Variants in COBL observed in about 807,000 individuals in gnomAD.
COBL encodes the protein cordon-bleu WH2 repeat protein.
In COBL, 51 loss-of-function variants were observed where a neutral mutation model predicts 98.8. That is an observed-to-expected ratio of 0.52 (90% CI 0.41 to 0.65). The LOEUF is 0.65. COBL is among the 30% of genes least tolerant of loss of function. The pLI is 0.00. For synonymous variants in COBL, 634 were observed against 651.7 expected, an observed-to-expected ratio of 0.97 and a Z score of 0.41; for missense variants, 1,617 against 1,617.5, an observed-to-expected ratio of 1.00 and a Z score of 0.01.
At chr7:51,288,988 A>T (rs970684684) in intron 1 of COBL, among the ~76,000 whole-genome samples, 1 of 152,164 alleles carries the variant, frequency 6.6e-6, no homozygotes, top group African/African-American at 2.4e-5. Flanking sequence ...TCAGGAGTGC[A>T]GGGCCAAAAC....
At chr7:51,030,790 T>C in intron 9 of COBL, 22 bp downstream of exon 9, 1 of 1,465,604 alleles carries the variant, frequency 6.8e-7, no homozygotes, top group Non-Finnish European at 9.5e-7. Context: ...AATATCAGAG[T>C]AGCGGATCAG....
At chr7:51,258,693 T>A (rs1563096975) in intron 1 of COBL, among the ~76,000 whole-genome samples, 1 of 152,220 alleles carries the variant, frequency 6.6e-6, no homozygotes. Flanking sequence ...GTGTGGCACT[T>A]AAGAGTAATA....
intron 1 of COBL, among the ~76,000 whole-genome samples, chr7:51,312,426 T>G (rs553866552): frequency 1.3e-5 from 2 of 152,240 alleles, no homozygotes; most frequent in African/African-American, 4.8e-5. Context: ...CACATTTGTA[T>G]GTCCTTGATC....
chr7:51,244,205 T>C (rs1018658122), intron 1 of COBL, among the ~76,000 whole-genome samples: 1 of 152,124 alleles, frequency 6.6e-6, no homozygotes. Flanking sequence ...CATGTTCCAC[T>C]GCAAAATGTA....
chr7:51,067,936 T>C (rs1215404610), intron 7 of COBL, among the ~76,000 whole-genome samples: 1 of 152,238 alleles, frequency 6.6e-6, no homozygotes, highest in Non-Finnish European at 1.5e-5. Flanking sequence ...GACTGCTTGC[T>C]AACCTGGCAG....
intron 7 of COBL, among the ~76,000 whole-genome samples, chr7:51,046,233 A>C (rs980406501): frequency 2.4e-4 from 36 of 152,136 alleles, no homozygotes; most frequent in African/African-American, 8.7e-4. Flanking sequence ...CCCCACAGTG[A>C]TGCCGGCACC....
chr7:51,198,408 A>C (rs947801163), intron 2 of COBL, among the ~76,000 whole-genome samples: 1 of 151,984 alleles, frequency 6.6e-6, no homozygotes, highest in African/African-American at 2.4e-5. Flanking sequence ...TTTACAGATG[A>C]CCTGATTTTT....
In COBL at chr7:51,029,175, C is replaced by T. The variant is rs1482774465; in HGVS notation, c.1921G>A (p.Asp641Asn). The change falls in exon 10 of 13, where the codon GAC becomes AAC. Residue 641 changes from aspartate to asparagine, a missense_variant. Around this residue, in one of 3 missense-constraint regions of COBL, gnomAD observed 1,304 missense variants for 1,282.0 expected, o/e 1.02. Coordinates refer to ENST00000265136, the MANE Select transcript of COBL (RefSeq NM_015198.5). ...VTSFASNLHT[D>N]NLNAKVKDKV... Reference sequence around the variant, plus strand: ...TCTTTCACTTTTGCATTTAGGTTGTCTGTGTGAAGATTCGAAGCAAAAGAA... The same window carrying T: ...TCTTTCACTTTTGCATTTAGGTTGTTTGTGTGAAGATTCGAAGCAAAAGAA... The T allele has an allele frequency of 6.2e-7, 1 of 1,614,174 alleles. No homozygotes were observed. Among genetic ancestry groups the T allele is most frequent in the Admixed American group, 1.7e-5 (1 of 60,028 alleles).
At chr7:51,304,173 T>C (rs187506731) in intron 1 of COBL, among the ~76,000 whole-genome samples, 1 of 152,260 alleles carries the variant, frequency 6.6e-6, no homozygotes, top group East Asian at 1.9e-4. Context: ...GATGGAGGAA[T>C]CGTGGTCTCG....
intron 11 of COBL, 65 bp downstream of exon 11, chr7:51,026,480 GT>G: frequency 6.3e-7 from 1 of 1,585,450 alleles, no homozygotes; most frequent in Non-Finnish European, 8.6e-7. Context: ...CACCACCCAA[GT>G]GCCTCGGAAG....
intron 5 of COBL, among the ~76,000 whole-genome samples, chr7:51,179,486 G>A (rs1252638407): frequency 2.0e-5 from 3 of 152,114 alleles, no homozygotes; most frequent in African/African-American, 7.2e-5. Context: ...GAATACAGGT[G>A]TGAGCCACCG....
chr7:51,253,353 C>T (rs1033170964), intron 1 of COBL, among the ~76,000 whole-genome samples: 1 of 152,146 alleles, frequency 6.6e-6, no homozygotes, highest in African/African-American at 2.4e-5. Flanking sequence ...ATTACTCTTG[C>T]CAGCAGGAGG....
At chr7:51,143,026 G>A (rs1470133564) in intron 5 of COBL, among the ~76,000 whole-genome samples, 1 of 152,072 alleles carries the variant, frequency 6.6e-6, no homozygotes, top group East Asian at 1.9e-4. Context: ...AGGTGGAGGA[G>A]GAAAAGTAAG....
intron 6 of COBL, among the ~76,000 whole-genome samples, chr7:51,132,701 T>C (rs1007133120): frequency 9.2e-5 from 14 of 152,154 alleles, no homozygotes; most frequent in African/African-American, 2.2e-4. Flanking sequence ...CATGGTTCCA[T>C]AGACTGTACG....
chr7:51,180,613 T>A (rs1788854619), intron 5 of COBL, among the ~76,000 whole-genome samples: 1 of 152,246 alleles, frequency 6.6e-6, no homozygotes, highest in Non-Finnish European at 1.5e-5. Context: ...AATAAACTGG[T>A]TCTACTATGA....
intron 1 of COBL, among the ~76,000 whole-genome samples, chr7:51,305,906 C>T (rs939269569): frequency 6.6e-5 from 10 of 152,116 alleles, no homozygotes; most frequent in Non-Finnish European, 1.5e-4. Context: ...CGTGGTGACA[C>T]GTGCCTGTAA....
chr7:51,134,533 A>T (rs1187325820), intron 6 of COBL, among the ~76,000 whole-genome samples: 2 of 152,220 alleles, frequency 1.3e-5, no homozygotes, highest in East Asian at 1.9e-4. Flanking sequence ...AGAAATTTTT[A>T]AAATGCTGGT....
intron 8 of COBL, among the ~76,000 whole-genome samples, chr7:51,036,755 C>T (rs1035073102): frequency 3.3e-5 from 5 of 152,212 alleles, no homozygotes; most frequent in African/African-American, 1.2e-4. Context: ...GGAGAAGCTA[C>T]ACTCTCTACC....
intron 1 of COBL, among the ~76,000 whole-genome samples, chr7:51,267,906 T>C (rs1244028596): frequency 2.0e-5 from 3 of 152,320 alleles, no homozygotes; most frequent in South Asian, 2.1e-4. Flanking sequence ...ACAACAAATA[T>C]TCTCTTCCCA....
Sources: gnomAD v4.1 joint callset for allele counts (sites outside exome capture counted in the v4.1 genomes callset) on GRCh38, gnomAD v4.1.1 for gene constraint, gnomAD v4.1.1 regional missense constraint, MANE v1.5 for transcripts, NCBI Gene and HGNC (gene_info 2026-07-23, HGNC 2026-07-21) for gene names.